Variants in ZCCHC17 observed in about 807,000 individuals in gnomAD.
ZCCHC17 encodes zinc finger CCHC-type containing 17, also known as zinc finger CCHC domain-containing protein 17.
Under a neutral mutation model 30.6 loss-of-function variants are expected in ZCCHC17, and 18 were observed. The ratio of observed to expected loss-of-function variants is 0.59; its 90% confidence interval spans 0.41 to 0.87. The LOEUF is 0.87. ZCCHC17 is among the 40% of genes least tolerant of loss of function. The pLI is 0.00. For synonymous variants in ZCCHC17, 88 were observed against 92.4 expected (o/e 0.95, Z 0.27); for missense variants, 263 against 284.2 (o/e 0.93, Z 0.54).
chr1:31,334,337 CTGTGTGTG>C (rs59851204), intron 3 of ZCCHC17, among the ~76,000 whole-genome samples: 7,893 of 84,844 alleles, frequency 0.093, 435 homozygotes, highest in East Asian at 0.17. Flanking sequence ...CTCTCTCTCT[CTGTGTGTG>C]TGTGTGTGTG....
At chr1:31,318,326 G>C in intron 2 of ZCCHC17, 1 of 1,110,108 alleles carries the variant, frequency 9.0e-7, no homozygotes, top group Non-Finnish European at 1.3e-6. Flanking sequence ...TCCACAGGTT[G>C]GGGGATGGGG....
intron 2 of ZCCHC17, among the ~76,000 whole-genome samples, chr1:31,313,862 CTTCT>C (rs1020539561): frequency 3.3e-5 from 5 of 149,392 alleles, no homozygotes; most frequent in African/African-American, 1.3e-4. Flanking sequence ...CTTCTCTTCT[CTTCT>C]TTCTCTTTTT....
intron 1 of ZCCHC17, among the ~76,000 whole-genome samples, chr1:31,300,195 G>A (rs1405217586): frequency 2.6e-5 from 4 of 152,136 alleles, no homozygotes; most frequent in African/African-American, 9.7e-5. Context: ...CAGTAGGTGG[G>A]ATAACAGGTA....
intron 3 of ZCCHC17, among the ~76,000 whole-genome samples, chr1:31,323,333 T>G (rs978372673): frequency 6.6e-6 from 1 of 152,072 alleles, no homozygotes; most frequent in Non-Finnish European, 1.5e-5. Context: ...CTTTCTTTTT[T>G]TTTTTTGAGA....
At chr1:31,341,417 C>A (rs1192870715) in intron 5 of ZCCHC17, among the ~76,000 whole-genome samples, 2 of 152,092 alleles carry the variant, frequency 1.3e-5, no homozygotes, top group African/African-American at 4.8e-5. Flanking sequence ...TGAAATTTCC[C>A]AAAGCCACCC....
chr1:31,338,534 A>G (rs1213788621), intron 4 of ZCCHC17, among the ~76,000 whole-genome samples: 2 of 152,220 alleles, frequency 1.3e-5, no homozygotes, highest in African/African-American at 4.8e-5. Context: ...AAAGAAGACC[A>G]ATGTGACAAA....
At chr1:31,338,884 G>A (rs1638922337) in intron 4 of ZCCHC17, 73 bp from the exon 5 acceptor site, 11 of 972,738 alleles carry the variant, frequency 1.1e-5, no homozygotes, top group Non-Finnish European at 1.7e-5. Flanking sequence ...TGAAAACGTT[G>A]ACTCTTAATT....
intron 1 of ZCCHC17, among the ~76,000 whole-genome samples, chr1:31,309,266 C>G (rs1215068688): frequency 1.3e-5 from 2 of 152,116 alleles, no homozygotes; most frequent in African/African-American, 4.8e-5. Context: ...CCTTTGTTCT[C>G]TCATCTGTAT....
chr1:31,330,914 G>T (rs1477467082), intron 3 of ZCCHC17, among the ~76,000 whole-genome samples: 1 of 152,168 alleles, frequency 6.6e-6, no homozygotes, highest in African/African-American at 2.4e-5. Context: ...TCTCTCCCAA[G>T]AATTCAGACT....
chr1:31,349,063 T>A, intron 7 of ZCCHC17, 89 bp downstream of exon 7: 1 of 1,413,712 alleles, frequency 7.1e-7, no homozygotes, highest in Non-Finnish European at 9.4e-7. Flanking sequence ...TACACACCTG[T>A]AGTCCCAGCT....
At chr1:31,334,346 TGTGTG>T (rs1174057462) in intron 3 of ZCCHC17, among the ~76,000 whole-genome samples, 1 of 23,450 alleles carries the variant, frequency 4.3e-5, no homozygotes, top group East Asian at 2.4e-3. Context: ...TCTGTGTGTG[TGTGTG>T]TGTGTGTGTG....
At chr1:31,339,781 C>G (rs1463279282) in intron 5 of ZCCHC17, among the ~76,000 whole-genome samples, 4 of 152,026 alleles carry the variant, frequency 2.6e-5, no homozygotes, top group Non-Finnish European at 5.9e-5. Context: ...TAGAGTAATC[C>G]AGGAACAACT....
intron 1 of ZCCHC17, among the ~76,000 whole-genome samples, chr1:31,299,769 C>G (rs1019087247): frequency 6.6e-6 from 1 of 152,076 alleles, no homozygotes; most frequent in Non-Finnish European, 1.5e-5. Context: ...TGCAACTGTC[C>G]CTGACCAGGT....
intron 7 of ZCCHC17, among the ~76,000 whole-genome samples, chr1:31,356,468 A>G (rs1639646662): frequency 6.6e-6 from 1 of 152,266 alleles, no homozygotes; most frequent in South Asian, 2.1e-4. Context: ...GCCCAGGATA[A>G]GGAAAGGATG....
Position 31,310,038 on chromosome 1 carries a change from T to G in ZCCHC17, c.-55-6T>G. The G allele has an allele frequency of 6.5e-7, 1 of 1,549,568 alleles. No individual in the cohort carries two copies. Among genetic ancestry groups the G allele is most frequent in the South Asian group, 1.1e-5 (1 of 87,658 alleles). On this transcript the variant is annotated splice_polypyrimidine_tract_variant and splice_region_variant and intron_variant, in intron 1 of 7. Transcript: ENST00000344147. Reference sequence around the variant, plus strand: ...CTCTAATTGGTGTCTGATTTCTTTATGACAGGACACTTGTATTAGCTTTAA... The same window carrying G: ...CTCTAATTGGTGTCTGATTTCTTTAGGACAGGACACTTGTATTAGCTTTAA...
intron 1 of ZCCHC17, among the ~76,000 whole-genome samples, chr1:31,306,284 C>T (rs114379368): frequency 0.013 from 1,967 of 152,214 alleles, 22 homozygotes; most frequent in Non-Finnish European, 0.023. Context: ...AGCATTACTA[C>T]TCTGCTTCGT....
chr1:31,360,158 T>G (rs1406375815), intron 7 of ZCCHC17, among the ~76,000 whole-genome samples: 1 of 151,050 alleles, frequency 6.6e-6, no homozygotes, highest in Non-Finnish European at 1.5e-5. Flanking sequence ...TTTGTTTTTG[T>G]GTGTGCGTGT....
chr1:31,314,739 T>C (rs958521412), intron 2 of ZCCHC17, among the ~76,000 whole-genome samples: 1 of 152,172 alleles, frequency 6.6e-6, no homozygotes, highest in Non-Finnish European at 1.5e-5. Flanking sequence ...TCTTCCTCTG[T>C]CGCTCAGGCT....
chr1:31,312,469 T>A (rs1316288113), intron 2 of ZCCHC17, among the ~76,000 whole-genome samples: 1 of 144,850 alleles, frequency 6.9e-6, no homozygotes, highest in Non-Finnish European at 1.5e-5. Flanking sequence ...AGCAGAGGCT[T>A]TGAAACCAGA....
Sources: gnomAD v4.1 joint callset for allele counts (sites outside exome capture counted in the v4.1 genomes callset) on GRCh38, gnomAD v4.1.1 for gene constraint, MANE v1.5 for transcripts, NCBI Gene and HGNC (gene_info 2026-07-23, HGNC 2026-07-21) for gene names.